Variants in BBX observed in about 807,000 individuals in gnomAD.
BBX encodes the protein HMG box transcription factor BBX.
BBX carries 30 observed loss-of-function variants against 100.2 expected under a neutral mutation model. That is an observed-to-expected ratio of 0.30 (90% CI 0.22 to 0.41). The LOEUF (loss-of-function observed/expected upper bound fraction) is 0.41, where lower values mean the gene tolerates loss of function less well. Ranked by LOEUF, BBX falls within the 10% of genes least tolerant of loss-of-function variation. The probability of loss-of-function intolerance (pLI) is 1.00; values close to 1 mark genes in which losing one functional copy is unlikely to be tolerated. For synonymous variants in BBX, 376 were observed against 388.1 expected, an observed-to-expected ratio of 0.97 and a Z score of 0.37; for missense variants, 1,023 against 1,129.8, an observed-to-expected ratio of 0.91 and a Z score of 1.35.
intron 2 of BBX, among the ~76,000 whole-genome samples, chr3:107,619,212 G>A (rs866239288): frequency 2.6e-5 from 4 of 151,946 alleles, no homozygotes; most frequent in Middle Eastern, 6.8e-3. Flanking sequence ...ACTTTATTTT[G>A]ATTAATATTT....
intron 2 of BBX, among the ~76,000 whole-genome samples, chr3:107,620,701 C>G (rs527687855): frequency 3.3e-5 from 5 of 152,260 alleles, no homozygotes; most frequent in African/African-American, 1.2e-4. Flanking sequence ...TGATATCACT[C>G]TAACTGGAAG....
chr3:107,629,578 A>G (rs1291587468), intron 2 of BBX, among the ~76,000 whole-genome samples: 1 of 151,848 alleles, frequency 6.6e-6, no homozygotes, highest in Non-Finnish European at 1.5e-5. Context: ...TGGCCATGGG[A>G]TATGTTTTTT....
At chr3:107,664,504 C>T (rs1299042563) in intron 3 of BBX, among the ~76,000 whole-genome samples, 4 of 152,186 alleles carry the variant, frequency 2.6e-5, no homozygotes, top group African/African-American at 7.2e-5. Flanking sequence ...ATCATCTTAA[C>T]AAAAACCCTG....
intron 3 of BBX, among the ~76,000 whole-genome samples, chr3:107,672,298 G>C (rs75674646): frequency 6.6e-6 from 1 of 151,948 alleles, no homozygotes; most frequent in South Asian, 2.1e-4. Flanking sequence ...TACAAAGTAC[G>C]TATTGAGAGG....
At chr3:107,570,389 C>G (rs994745326) in intron 2 of BBX, among the ~76,000 whole-genome samples, 1 of 152,090 alleles carries the variant, frequency 6.6e-6, no homozygotes, top group African/African-American at 2.4e-5. Context: ...GAGAATAAGA[C>G]GGCCTTCTGA....
intron 7 of BBX, among the ~76,000 whole-genome samples, chr3:107,735,740 G>A (rs886562848): frequency 4.6e-5 from 7 of 152,068 alleles, no homozygotes; most frequent in African/African-American, 1.4e-4. Context: ...AGAGTTTTTA[G>A]AGAGAAATTA....
chr3:107,751,513 GA>G (rs1263688253), intron 9 of BBX, among the ~76,000 whole-genome samples: 1 of 152,034 alleles, frequency 6.6e-6, no homozygotes, highest in African/African-American at 2.4e-5. Context: ...TCTTTAAGTC[GA>G]AAATGTTTTG....
intron 2 of BBX, among the ~76,000 whole-genome samples, chr3:107,635,659 T>C (rs1215996715): frequency 6.6e-6 from 1 of 152,012 alleles, no homozygotes; most frequent in Non-Finnish European, 1.5e-5. Context: ...GTAAAATAAA[T>C]CAGTATTCTC....
chr3:107,632,159 C>T (rs1235524699), intron 2 of BBX, among the ~76,000 whole-genome samples: 3 of 152,098 alleles, frequency 2.0e-5, no homozygotes, highest in African/African-American at 7.2e-5. Flanking sequence ...TCACTGCAAC[C>T]TCCGCCTCCT....
intron 10 of BBX, among the ~76,000 whole-genome samples, chr3:107,769,010 C>CGGGGGGGGGGGGGGG (rs35063548): frequency 3.2e-5 from 4 of 125,124 alleles, no homozygotes; most frequent in East Asian, 2.5e-4. Flanking sequence ...TGGGGGGCGG[C>CGGGGGGGGGGGGGGG]GGGGGGGGGG....
chr3:107,690,048 C>A (rs2060062037), intron 3 of BBX, among the ~76,000 whole-genome samples: 1 of 151,922 alleles, frequency 6.6e-6, no homozygotes, highest in Non-Finnish European at 1.5e-5. Context: ...AATAAGGTAG[C>A]CTAGGGTTTT....
At chr3:107,608,296 G>A (rs1281072782) in intron 2 of BBX, among the ~76,000 whole-genome samples, 4 of 152,160 alleles carry the variant, frequency 2.6e-5, no homozygotes, top group East Asian at 1.9e-4. Context: ...TATGGATATC[G>A]GTTTCCCAGG....
rs139527099 is a variant in BBX at position 107,667,847 on chromosome 3, T to C, written c.-10+21938T>C. Among the ~76,000 whole-genome samples, 1,492 of 152,240 alleles carry C rather than the reference T, an allele frequency of 9.8e-3. 32 individuals carry two copies. Among genetic ancestry groups the C allele is most frequent in the African/African-American group, 0.033 (1,387 of 41,570 alleles). On this transcript the variant is annotated intron_variant, in intron 3 of 17. Transcript: ENST00000325805. The stretch of plus-strand genomic sequence containing the variant: ...AATAGTTTCATTCAGATTCAGGTCT[T>C]GCTTGAATAACAATATTCATTTTGT...
chr3:107,636,385 A>G (rs543130865), intron 2 of BBX, among the ~76,000 whole-genome samples: 2 of 152,344 alleles, frequency 1.3e-5, no homozygotes, highest in African/African-American at 2.4e-5. Flanking sequence ...ATACATGTCT[A>G]TAATTTGCTG....
intron 2 of BBX, among the ~76,000 whole-genome samples, chr3:107,540,505 A>G (rs1418819863): frequency 4.6e-5 from 7 of 152,176 alleles, no homozygotes; most frequent in Non-Finnish European, 1.5e-5. Context: ...CAGCATCAAG[A>G]TCAGAGGCCT....
At chr3:107,799,570 T>C (rs1000878776) in intron 16 of BBX, among the ~76,000 whole-genome samples, 3 of 151,988 alleles carry the variant, frequency 2.0e-5, no homozygotes, top group Admixed American at 2.0e-4. Flanking sequence ...ACTAGATGAA[T>C]CAGTATTTGA....
At chr3:107,657,067 T>G (rs754849495) in intron 3 of BBX, 12 of 151,972 alleles carry the variant, frequency 7.9e-5, no homozygotes, top group Non-Finnish European at 1.5e-4. Context: ...AAAAGGCATA[T>G]GGGCCACTGA....
At chr3:107,685,302 C>G (rs1486997780) in intron 3 of BBX, among the ~76,000 whole-genome samples, 1 of 152,118 alleles carries the variant, frequency 6.6e-6, no homozygotes, top group Non-Finnish European at 1.5e-5. Flanking sequence ...TTACCTTGAT[C>G]CACTTTAACT....
chr3:107,755,477 C>G (rs977398005), intron 9 of BBX, 121 bp from the exon 10 acceptor site: 13 of 750,210 alleles, frequency 1.7e-5, no homozygotes, highest in Non-Finnish European at 2.5e-5. Flanking sequence ...TGTTTTGTTA[C>G]TTGGTACATG....
Sources: gnomAD v4.1 joint callset for allele counts (sites outside exome capture counted in the v4.1 genomes callset) on GRCh38, gnomAD v4.1.1 for gene constraint, MANE v1.5 for transcripts, NCBI Gene and HGNC (gene_info 2026-07-23, HGNC 2026-07-21) for gene names.